UBA2: variants seen among roughly 807,000 people sequenced by gnomAD.
UBA2 encodes the protein ubiquitin like modifier activating enzyme 2, also known as SUMO-activating enzyme subunit 2.
A neutral mutation model predicts 77.2 loss-of-function variants in UBA2; 11 were observed. That is an observed-to-expected ratio of 0.14 (90% CI 0.09 to 0.24). The LOEUF is 0.24. Ranked by LOEUF, UBA2 falls within the 10% of genes least tolerant of loss-of-function variation. UBA2 has a pLI of 1.00. For missense variants in UBA2, 487 were observed against 781.7 expected (o/e 0.62, Z 4.50); for synonymous variants, 278 against 276.7 (o/e 1.00, Z -0.05).
rs775373199 is a variant in UBA2 at position 34,458,921 on chromosome 19, C to G, written c.1398C>G (p.Asp466Glu). The change falls in exon 13 of 17, where the codon GAC (aspartate) becomes GAG (glutamate). Residue 466 changes from aspartate (D) to glutamate (E), a missense_variant. This residue lies in a region of UBA2 where 300 missense variants were observed against 454.3 expected (regional missense o/e 0.66). Coordinates refer to ENST00000246548, the MANE Select transcript of UBA2 (RefSeq NM_005499.3). ...AAGTGACTGTTCTCACCTTACAAGA[C>G]AAGGTCAGTGCAAGGCCTGGGTCTC... is the stretch of plus-strand genomic sequence containing the variant. ...VHKVTVLTLQ[D>E]KIVKEKFAMV... 6.2e-7 allele frequency: 1 copy of G among 1,613,114 alleles called. No individual in the cohort carries two copies. The highest frequency in any genetic ancestry group is 8.5e-7 in the Non-Finnish European group (1 of 1,179,712).
At position 34,443,896 on chromosome 19, in the gene UBA2, G is replaced by C. The variant is rs745402973; in HGVS notation, c.634G>C (p.Asp212His). The stretch of plus-strand genomic sequence containing the variant: ...TCAAGAAGTATCTCCTGACAGAGCT[G>C]ACCCTGAAGCTGCCTGTGAGTAAAT... The part of the protein sequence containing the change: ...ADQEVSPDRA[D>H]PEAAWEPTEA... The change falls in exon 7 of 17, where the codon GAC becomes CAC. Residue 212 changes from aspartate (D) to histidine (H), a missense_variant. Coordinates refer to ENST00000246548, the MANE Select transcript of UBA2 (RefSeq NM_005499.3). 1 of 1,609,518 alleles carries C rather than the reference G, an allele frequency of 6.2e-7. No individual in the cohort carries two copies. The highest frequency in any genetic ancestry group is 8.5e-7 in the Non-Finnish European group (1 of 1,176,066).
intron 16 of UBA2, 181 bp downstream of exon 16, chr19:34,467,195 T>TAAGCCACCACACCCA: frequency 1.4e-6 from 1 of 733,562 alleles, no homozygotes; most frequent in Non-Finnish European, 2.1e-6. Flanking sequence ...AGGCTGGGTG[T>TAAGCCACCACACCCA]GGTGGCTTAC....
intron 12 of UBA2, among the ~76,000 whole-genome samples, chr19:34,457,179 A>ATATATATATATATATATATAT (rs1555730726): frequency 3.8e-5 from 2 of 53,224 alleles, no homozygotes; most frequent in African/African-American, 1.2e-4. Flanking sequence ...AAAAAAAAAA[A>ATATATATATATATATATATAT]ATATATATAT....
At chr19:34,448,945 A>G (rs953065034) in intron 8 of UBA2, among the ~76,000 whole-genome samples, 2 of 151,948 alleles carry the variant, frequency 1.3e-5, no homozygotes, top group Non-Finnish European at 1.5e-5. Flanking sequence ...CCTCTACAAA[A>G]TGTTTCCAGC....
intron 5 of UBA2, among the ~76,000 whole-genome samples, chr19:34,435,358 A>G (rs547075083): frequency 6.6e-6 from 1 of 152,306 alleles, no homozygotes; most frequent in Admixed American, 6.5e-5. Flanking sequence ...AGATTGCACC[A>G]CTGCCCTCCA....
chr19:34,445,435 C>CTT (rs67809236), intron 8 of UBA2, among the ~76,000 whole-genome samples: 11 of 73,092 alleles, frequency 1.5e-4, no homozygotes, highest in Non-Finnish European at 2.2e-4. Context: ...CTCATCTTCA[C>CTT]TTTTTTTTTT....
chr19:34,455,239 A>C (rs919075916), intron 12 of UBA2, among the ~76,000 whole-genome samples: 1 of 152,132 alleles, frequency 6.6e-6, no homozygotes, highest in Non-Finnish European at 1.5e-5. Context: ...TGTTATTGTC[A>C]TGAATTATAT....
chr19:34,437,424 A>G (rs1464645369), intron 5 of UBA2, among the ~76,000 whole-genome samples: 3 of 151,184 alleles, frequency 2.0e-5, no homozygotes, highest in Non-Finnish European at 4.4e-5. Context: ...AGCCTGGCCA[A>G]CATGGTGAAA....
At position 34,445,157 on chromosome 19, in the gene UBA2, T is replaced by C. The variant is rs781455778; in HGVS notation, c.771+36T>C. 3.1e-5 allele frequency: 50 copies of C among 1,588,402 alleles called. 1 individual carries two copies. The highest frequency in any genetic ancestry group is 4.1e-5 in the Non-Finnish European group (48 of 1,164,710). On this transcript the variant is annotated intron_variant, in intron 8 of 16. Coordinates refer to ENST00000246548, the MANE Select transcript of UBA2 (RefSeq NM_005499.3). ...CTTTTTTTATAATCATGGATAGATG[T>C]ATTGTTGTGCATAGATGTATTGTTC...
intron 6 of UBA2, among the ~76,000 whole-genome samples, chr19:34,442,589 G>A (rs1448382042): frequency 6.6e-6 from 1 of 152,040 alleles, no homozygotes; most frequent in Non-Finnish European, 1.5e-5. Flanking sequence ...CTGCCACCAC[G>A]CCCAGCTAAT....
chr19:34,455,179 T>C (rs1469404607), intron 12 of UBA2, among the ~76,000 whole-genome samples: 3 of 152,234 alleles, frequency 2.0e-5, no homozygotes, highest in African/African-American at 7.2e-5. Flanking sequence ...ACTTTTAAAT[T>C]AGGATTTTCA....
chr19:34,444,378 T>C (rs367832807), intron 7 of UBA2, among the ~76,000 whole-genome samples: 1 of 152,068 alleles, frequency 6.6e-6, no homozygotes, highest in Non-Finnish European at 1.5e-5. Context: ...ACAAAAAAAA[T>C]ATGATTCCGT....
At chr19:34,454,180 T>G in intron 10 of UBA2, 80 bp from the exon 11 acceptor site, 2 of 1,246,410 alleles carry the variant, frequency 1.6e-6, no homozygotes, top group Non-Finnish European at 1.1e-6. Flanking sequence ...TATAAACACG[T>G]GAAAGTATTG....
At chr19:34,458,426 G>A (rs753581326) in intron 12 of UBA2, among the ~76,000 whole-genome samples, 1 of 151,478 alleles carries the variant, frequency 6.6e-6, no homozygotes, top group Non-Finnish European at 1.5e-5. Context: ...CGGGCGAGGT[G>A]GCGGGCGCCT....
chr19:34,431,667 A>G (rs2075257447), intron 2 of UBA2, among the ~76,000 whole-genome samples, 194 bp from the exon 3 acceptor site: 1 of 152,064 alleles, frequency 6.6e-6, no homozygotes, highest in African/African-American at 2.4e-5. Context: ...CTCTCCGGTT[A>G]TTTTATAAGT....
At chr19:34,452,243 T>A (rs2075509238) in intron 10 of UBA2, 96 bp downstream of exon 10, 1 of 1,126,616 alleles carries the variant, frequency 8.9e-7, no homozygotes, top group Non-Finnish European at 1.2e-6. Flanking sequence ...GAATATTTAC[T>A]AGATTTTGAG....
intron 8 of UBA2, among the ~76,000 whole-genome samples, chr19:34,446,597 CT>C (rs1202288406): frequency 2.1e-4 from 21 of 100,302 alleles, no homozygotes; most frequent in Middle Eastern, 5.0e-3. Flanking sequence ...CACATGTTGA[CT>C]TTTTTTTTTC....
chr19:34,436,403 G>T (rs544519252), intron 5 of UBA2, among the ~76,000 whole-genome samples: 1 of 152,058 alleles, frequency 6.6e-6, no homozygotes, highest in Non-Finnish European at 1.5e-5. Flanking sequence ...TGGTTCAAGC[G>T]ATTCTCCTGC....
chr19:34,458,743 T>C, intron 12 of UBA2, 26 bp from the exon 13 acceptor site: 2 of 1,597,880 alleles, frequency 1.3e-6, no homozygotes, highest in Admixed American at 3.5e-5. Context: ...CGTTTCCGAT[T>C]TCTGCCTGTT....
Sources: allele counts gnomAD v4.1 joint callset (sites outside exome capture counted in the v4.1 genomes callset), GRCh38; gene constraint gnomAD v4.1.1; regional missense constraint gnomAD v4.1.1; transcripts MANE v1.5; gene names NCBI Gene and HGNC (gene_info 2026-07-23, HGNC 2026-07-21).